EXD3: variants seen among roughly 807,000 people sequenced by gnomAD.
EXD3 encodes exonuclease 3'-5' domain containing 3.
In EXD3, 92 loss-of-function variants were observed where a neutral mutation model predicts 98.0. The observed-to-expected ratio is 0.94, with a 90% CI of 0.79 to 1.12. The LOEUF is 1.12. Ranked by LOEUF, EXD3 falls within the 50% of genes most tolerant of loss-of-function variation. EXD3 has a pLI of 0.00. For missense variants in EXD3, 1,222 were observed against 1,191.6 expected (o/e 1.03, Z -0.38); for synonymous variants, 569 against 526.0 (o/e 1.08, Z -1.12).
At position 137,326,432 on chromosome 9, in the gene EXD3, G is replaced by A. The variant is rs116053143; in HGVS notation, c.1999-2289C>T. On this transcript the variant is annotated intron_variant, in intron 17 of 21. Coordinates refer to ENST00000340951, the MANE Select transcript of EXD3 (RefSeq NM_017820.5). ...TCCCAATACTTTGGGAGGCTGAGGCGGGAGGATGGCCTGAGCCTGGGAGGC... is the reference window on the plus strand; with the variant it reads ...TCCCAATACTTTGGGAGGCTGAGGCAGGAGGATGGCCTGAGCCTGGGAGGC... Among the ~76,000 whole-genome samples, 1,307 of 152,250 alleles carry A rather than the reference G, an allele frequency of 8.6e-3. 9 individuals are homozygous for A. The highest frequency in any genetic ancestry group is 0.03 in the African/African-American group (1,238 of 41,540).
At position 137,352,176 on chromosome 9, in the gene EXD3, C is replaced by G; in HGVS notation, c.1063G>C (p.Glu355Gln). ...TAACGGTCCTTCATGTCCTTCACCT[C>G]CAGCCTCGAGTCAGCCTCAGTCGCC... ...GRATEADSRL[E>Q]VKDMKDRYYQ... Residue 355 changes from glutamate to glutamine, a missense_variant, in exon 12 of 22, where the codon GAG becomes CAG. By Grantham distance (29) the Glu-to-Gln change is conservative (BLOSUM62 2). Transcript: ENST00000340951. 6.2e-7 allele frequency: 1 copy of G among 1,612,774 alleles called. No individual in the cohort carries two copies. Among genetic ancestry groups the G allele is most frequent in the Non-Finnish European group, 8.5e-7 (1 of 1,179,748 alleles).
intron 17 of EXD3, among the ~76,000 whole-genome samples, chr9:137,326,026 C>T (rs1832382461): frequency 6.6e-6 from 1 of 151,436 alleles, no homozygotes; most frequent in Admixed American, 6.6e-5. Context: ...CTGCAGTGGG[C>T]CGTGTTTGCG....
chr9:137,367,968 A>G lies in EXD3; in HGVS notation c.484T>C (p.Leu162=). 1 of 1,611,792 alleles carries G rather than the reference A, an allele frequency of 6.2e-7. No individual in the cohort carries two copies. The highest frequency in any genetic ancestry group is 8.5e-7 in the Non-Finnish European group (1 of 1,179,708). Residue 162 remains leucine (L), a synonymous_variant, in exon 6 of 22, where the codon TTG becomes CTG. Transcript: ENST00000340951. ...ACGCCAAGCTCCGACTGCAGCTTCA[A>G]CGTCGCGCCCAGCGTGGCTGCCTGG... ...FREAATLGAT[L]KLQSELGVEK... is the part of the protein sequence containing the mutation.
At position 137,393,228 on chromosome 9, in the gene EXD3, GT is replaced by G. The variant is rs752067255; in HGVS notation, c.55+2074del. ...GGTGGAGAAGAGGCTGTAGAAGCCT[GT>G]GGGTGCCTGTGCAGGGAGAGTCAGC... On this transcript the variant is annotated intron_variant, in intron 2 of 21. Transcript: ENST00000340951. The surrounding 1 kb of genome is among the most constrained non-coding windows in gnomAD (Gnocchi z 4.6). 2.0e-4 allele frequency: 138 copies of G among 702,682 alleles called. No homozygotes were observed. Among genetic ancestry groups the G allele is most frequent in the South Asian group, 1.1e-3 (74 of 67,602 alleles). The allele number at this position is 702,682 out of a possible 1,614,324, so 43.5% of individuals were successfully genotyped here. A position where few individuals can be genotyped will look rare whatever the true frequency, so the allele number is the denominator to read the frequency against.
chr9:137,342,492 T>C (rs1833698397), intron 17 of EXD3, among the ~76,000 whole-genome samples: 1 of 152,170 alleles, frequency 6.6e-6, no homozygotes, highest in Non-Finnish European at 1.5e-5. Context: ...TTGTGAAGTG[T>C]TGTCTATCTG....
intron 7 of EXD3, among the ~76,000 whole-genome samples, chr9:137,363,733 G>A (rs1488963465): frequency 1.3e-5 from 2 of 151,998 alleles, no homozygotes; most frequent in African/African-American, 4.8e-5. Flanking sequence ...TTTAAACTGT[G>A]GATATAATTT....
intron 1 of EXD3, among the ~76,000 whole-genome samples, chr9:137,422,174 C>A (rs1345316541): frequency 6.7e-6 from 1 of 148,654 alleles, no homozygotes; most frequent in African/African-American, 2.5e-5. Context: ...TGGCATGGGA[C>A]AGGACTATGT....
At chr9:137,394,064 G>A (rs1243288274) in intron 2 of EXD3, among the ~76,000 whole-genome samples, 3 of 152,202 alleles carry the variant, frequency 2.0e-5, no homozygotes, top group Non-Finnish European at 4.4e-5. Context: ...GAGCAGCTGA[G>A]GCTCGGGCTG....
intron 17 of EXD3, among the ~76,000 whole-genome samples, chr9:137,331,379 C>T: frequency 6.6e-6 from 1 of 151,962 alleles, no homozygotes; most frequent in South Asian, 2.1e-4. Flanking sequence ...CCACACTCAC[C>T]CTCCCACCCA....
At chr9:137,308,305 C>T (rs80186929) in intron 20 of EXD3, among the ~76,000 whole-genome samples, 8,227 of 152,196 alleles carry the variant, frequency 0.054, 748 homozygotes, top group African/African-American at 0.19. Flanking sequence ...AGATCAGCTG[C>T]GGCCGGGGAT....
intron 14 of EXD3, among the ~76,000 whole-genome samples, chr9:137,350,049 A>AG: frequency 7.5e-6 from 1 of 133,612 alleles, no homozygotes; most frequent in Non-Finnish European, 1.6e-5. Flanking sequence ...GATCACGGGG[A>AG]AGGTTCTAGA....
chr9:137,408,145 T>A (rs936044694), intron 1 of EXD3, among the ~76,000 whole-genome samples: 2 of 152,110 alleles, frequency 1.3e-5, no homozygotes, highest in Non-Finnish European at 2.9e-5. Flanking sequence ...CGTGGGTGTT[T>A]TACTAAAACC....
intron 5 of EXD3, among the ~76,000 whole-genome samples, chr9:137,368,452 T>A (rs1463261178): frequency 6.6e-6 from 1 of 152,110 alleles, no homozygotes; most frequent in Non-Finnish European, 1.5e-5. Context: ...TCCTGAGGCC[T>A]GGGGGGTCCT....
chr9:137,334,210 C>T (rs900805635), intron 17 of EXD3, among the ~76,000 whole-genome samples: 9 of 152,166 alleles, frequency 5.9e-5, no homozygotes, highest in African/African-American at 1.7e-4. Context: ...CCATGTTGGC[C>T]GGGCTGGTCT....
chr9:137,402,096 A>G (rs920044336), intron 1 of EXD3, among the ~76,000 whole-genome samples: 63 of 151,360 alleles, frequency 4.2e-4, no homozygotes, highest in African/African-American at 1.4e-3. Flanking sequence ...GCTCACTGCA[A>G]CCTCTGCCTT....
chr9:137,335,002 G>A (rs977136215), intron 17 of EXD3, among the ~76,000 whole-genome samples: 1 of 151,888 alleles, frequency 6.6e-6, no homozygotes, highest in Non-Finnish European at 1.5e-5. Flanking sequence ...ACTTGAATCT[G>A]GGAGGTAGAG....
chr9:137,326,307 G>C (rs1392343846), intron 17 of EXD3, among the ~76,000 whole-genome samples: 5 of 152,158 alleles, frequency 3.3e-5, no homozygotes, highest in Non-Finnish European at 1.5e-5. Flanking sequence ...ACGAGGGGTT[G>C]ATATCCAGAG....
At chr9:137,332,005 G>A (rs7851106) in intron 17 of EXD3, among the ~76,000 whole-genome samples, 17,209 of 151,898 alleles carry the variant, frequency 0.11, 1,456 homozygotes, top group African/African-American at 0.24. Context: ...CACACACACA[G>A]AACAAACCTA....
At chr9:137,354,401 CG>C in intron 9 of EXD3, 24 bp from the exon 10 acceptor site, 1 of 1,612,114 alleles carries the variant, frequency 6.2e-7, no homozygotes, top group Non-Finnish European at 8.5e-7. Context: ...CAGGAAGGGG[CG>C]GTTGCCAGGC....
Sources: gnomAD v4.1 joint callset for allele counts (sites outside exome capture counted in the v4.1 genomes callset) on GRCh38, gnomAD v4.1.1 for gene constraint, Gnocchi (gnomAD v3.1) non-coding constraint, MANE v1.5 for transcripts, NCBI Gene and HGNC (gene_info 2026-07-23, HGNC 2026-07-21) for gene names.